LARGE1: variants seen among roughly 807,000 people sequenced by gnomAD.
LARGE1 encodes the protein LARGE xylosyl- and glucuronyltransferase 1.
Under a neutral mutation model 87.6 loss-of-function variants are expected in LARGE1, and 43 were observed. The ratio of observed to expected loss-of-function variants is 0.49; its 90% confidence interval spans 0.38 to 0.63. LARGE1 has a LOEUF of 0.63. LARGE1 is among the 30% of genes least tolerant of loss of function. The pLI, the probability that LARGE1 is intolerant of heterozygous loss-of-function variation, is 0.00. For missense variants in LARGE1, 802 were observed against 1,000.2 expected (o/e 0.80, Z 2.67); for synonymous variants, 434 against 394.6 (o/e 1.10, Z -1.18).
intron 2 of LARGE1, among the ~76,000 whole-genome samples, chr22:33,741,363 A>G (rs1053844527): frequency 2.0e-5 from 3 of 152,250 alleles, no homozygotes; most frequent in Admixed American, 6.5e-5. Flanking sequence ...AGTGCAAAGC[A>G]CAGGAGATGG....
rs193041098 is a variant in LARGE1 at position 33,179,935 on chromosome 22, A to C, written c.1731-13103T>G. Among the ~76,000 whole-genome samples, 3 of 151,772 alleles carry C rather than the reference A, an allele frequency of 2.0e-5. No individual in the cohort carries two copies. In the East Asian group the frequency reaches 5.8e-4, roughly 29 times the overall value. On this transcript the variant is annotated intron_variant, in intron 11 of 11. Transcript: ENST00000608642. ...GCCTTTAAGAAGTGATTAGGTCATG[A>C]GGACTCTTCCTTTGTGAATGGGAGT...
intron 11 of LARGE1, among the ~76,000 whole-genome samples, chr22:33,209,262 A>C (rs5998808): frequency 0.023 from 3,427 of 152,302 alleles, 141 homozygotes; most frequent in African/African-American, 0.079. Flanking sequence ...CTTTCTTTCT[A>C]TAGCTCTTTT....
intron 11 of LARGE1, among the ~76,000 whole-genome samples, chr22:33,213,728 A>G (rs146278032): frequency 8.6e-4 from 131 of 152,370 alleles, no homozygotes; most frequent in Non-Finnish European, 1.4e-3. Flanking sequence ...ATATAATGCA[A>G]TTGCAAACTA....
intron 5 of LARGE1, among the ~76,000 whole-genome samples, chr22:33,603,978 T>A (rs2079179769): frequency 6.6e-6 from 1 of 152,220 alleles, no homozygotes; most frequent in Non-Finnish European, 1.5e-5. Flanking sequence ...CCCCATGAGT[T>A]TGGTATTTCA....
chr22:33,791,094 C>T (rs576490449), intron 1 of LARGE1, among the ~76,000 whole-genome samples: 1 of 152,174 alleles, frequency 6.6e-6, no homozygotes, highest in East Asian at 1.9e-4. Context: ...TAAAGAAAAG[C>T]CTTCTAAATG....
At chr22:33,713,271 G>C (rs929946562) in intron 2 of LARGE1, among the ~76,000 whole-genome samples, 1 of 152,092 alleles carries the variant, frequency 6.6e-6, no homozygotes, top group Non-Finnish European at 1.5e-5. Context: ...TCAAAAAAAA[G>C]TCCCAGCTCC....
At chr22:33,289,854 C>G (rs186969653) in intron 12 of LARGE1, among the ~76,000 whole-genome samples, 1 of 152,046 alleles carries the variant, frequency 6.6e-6, no homozygotes, top group African/African-American at 2.4e-5. Flanking sequence ...CTTTTTTCCC[C>G]GAGCCCCTCC....
intron 5 of LARGE1, among the ~76,000 whole-genome samples, chr22:33,596,648 A>G (rs1277879834): frequency 1.3e-5 from 2 of 152,202 alleles, no homozygotes; most frequent in Non-Finnish European, 2.9e-5. Flanking sequence ...CCCTCTGATG[A>G]CAGGTCGGCA....
intron 11 of LARGE1, among the ~76,000 whole-genome samples, chr22:33,230,004 C>CTTTTTTT (rs557120175): frequency 3.7e-5 from 3 of 81,136 alleles, no homozygotes; most frequent in Non-Finnish European, 4.9e-5. Flanking sequence ...TTTCAAAGTT[C>CTTTTTTT]TTTTTTTTTT....
intron 1 of LARGE1, among the ~76,000 whole-genome samples, chr22:33,824,821 A>C (rs1390913497): frequency 6.6e-6 from 1 of 152,266 alleles, no homozygotes; most frequent in African/African-American, 2.4e-5. Flanking sequence ...GTACTGGTAC[A>C]CGATATGGCT....
At chr22:33,752,526 T>G (rs142654685) in intron 2 of LARGE1, among the ~76,000 whole-genome samples, 5 of 152,220 alleles carry the variant, frequency 3.3e-5, no homozygotes, top group South Asian at 2.1e-4. Flanking sequence ...GATGAAGTAT[T>G]ATGGTCTTAA....
rs1341123149 is a variant in LARGE1 at position 33,369,365 on chromosome 22, CT to C, written c.1131+12553del. On this transcript the variant is annotated intron_variant, in intron 9 of 14. Transcript: ENST00000397394. ...TGTGCCAGGTTTTCAGAGACTCCAGCTAATTACAAGGCTTTCCTCATGCATG... is the reference window on the plus strand; with the variant it reads ...TGTGCCAGGTTTTCAGAGACTCCAGCAATTACAAGGCTTTCCTCATGCATG... 2.0e-5 allele frequency among the ~76,000 whole-genome samples: 3 copies of C among 152,272 alleles called. No individual in the cohort carries two copies. The East Asian group carries it at 5.8e-4, about 29-fold the overall frequency.
At chr22:33,379,749 T>C (rs1166688905) in intron 9 of LARGE1, among the ~76,000 whole-genome samples, 2 of 152,182 alleles carry the variant, frequency 1.3e-5, no homozygotes, top group Admixed American at 6.6e-5. Flanking sequence ...TGGGAATTGA[T>C]CAGTGGGGAA....
At chr22:33,675,754 G>A (rs377698327) in intron 2 of LARGE1, among the ~76,000 whole-genome samples, 10 of 152,144 alleles carry the variant, frequency 6.6e-5, no homozygotes, top group South Asian at 4.1e-4. Flanking sequence ...CACAAAAGGC[G>A]TTTATGACCC....
At chr22:33,482,532 C>T (rs541157449) in intron 6 of LARGE1, among the ~76,000 whole-genome samples, 2 of 152,190 alleles carry the variant, frequency 1.3e-5, no homozygotes, top group South Asian at 4.1e-4. Flanking sequence ...GCATCACACA[C>T]TGGGGCCTGT....
chr22:33,400,930 A>G (rs996137624), intron 7 of LARGE1, among the ~76,000 whole-genome samples: 2 of 152,120 alleles, frequency 1.3e-5, no homozygotes, highest in African/African-American at 4.8e-5. Flanking sequence ...ACATATTCTC[A>G]GTTTTTCCAC....
chr22:33,561,575 C>T (rs2077863094), intron 6 of LARGE1, among the ~76,000 whole-genome samples: 1 of 152,174 alleles, frequency 6.6e-6, no homozygotes, highest in South Asian at 2.1e-4. Flanking sequence ...ACGGGCTCAC[C>T]AAACAGTCTT....
intron 11 of LARGE1, among the ~76,000 whole-genome samples, chr22:33,229,371 G>T (rs1004859008): frequency 3.3e-5 from 5 of 152,018 alleles, no homozygotes; most frequent in African/African-American, 1.2e-4. Context: ...ATTTATATGT[G>T]TGTGTGTATA....
the LARGE1 span, among the ~76,000 whole-genome samples, chr22:33,118,632 G>A: frequency 2.6e-5 from 4 of 152,076 alleles, no homozygotes; most frequent in East Asian, 1.9e-4. Flanking sequence ...AGGTAGTGGC[G>A]GTCCTCCAAA....
Sources: gnomAD v4.1 joint callset for allele counts (sites outside exome capture counted in the v4.1 genomes callset) on GRCh38, gnomAD v4.1.1 for gene constraint, MANE v1.5 for transcripts, NCBI Gene and HGNC (gene_info 2026-07-23, HGNC 2026-07-21) for gene names.